Variants in SLC16A2 observed in about 807,000 individuals in gnomAD.
SLC16A2 encodes the protein solute carrier family 16 member 2.
A neutral mutation model predicts 27.2 loss-of-function variants in SLC16A2; 3 were observed. That is an observed-to-expected ratio of 0.11 (90% CI 0.05 to 0.28). The LOEUF (loss-of-function observed/expected upper bound fraction) is 0.28. Among genes scored for constraint, SLC16A2 ranks in the 10% least tolerant of loss-of-function variants. The pLI is 1.00. For missense variants in SLC16A2, 295 were observed against 458.5 expected, an observed-to-expected ratio of 0.64 and a Z score of 3.26; for synonymous variants, 202 against 187.8, an observed-to-expected ratio of 1.08 and a Z score of -0.62.
In SLC16A2 at chrX:74,531,761, C is replaced by G; in HGVS notation, c.*208C>G. The G allele has an allele frequency of 2.2e-6, 1 of 463,206 alleles. No homozygotes were observed. The highest frequency in any genetic ancestry group is 3.8e-6 in the Non-Finnish European group (1 of 261,226). The allele number at this position is 463,206 out of a possible 1,213,427, so 38.2% of individuals were successfully genotyped here. On this transcript the variant is annotated 3_prime_UTR_variant, in exon 6 of 6. Coordinates refer to ENST00000587091, the MANE Select transcript of SLC16A2 (RefSeq NM_006517.5). The stretch of plus-strand genomic sequence containing the variant: ...CAGAATGCTTTTAAATTTTCCAGGG[C>G]CTTTCTCCTCCCAGGATCTGGGAAA...
At chrX:74,515,585 C>G (rs4892514) in intron 1 of SLC16A2, among the ~76,000 whole-genome samples, 58,183 of 110,353 alleles carry the variant, frequency 0.53, 13,436 homozygotes, top group Non-Finnish European at 0.73. Flanking sequence ...TCAAAGAACT[C>G]TATGCCAAGA....
chrX:74,489,203 G>A (rs936505735), intron 1 of SLC16A2, among the ~76,000 whole-genome samples: 12 of 111,682 alleles, frequency 1.1e-4, no homozygotes, highest in African/African-American at 3.6e-4. Flanking sequence ...CCATTTTGAT[G>A]GCTTTGAATT....
chrX:74,474,648 G>A (rs1165171899), intron 1 of SLC16A2, among the ~76,000 whole-genome samples: 2 of 109,643 alleles, frequency 1.8e-5, no homozygotes, highest in East Asian at 2.9e-4. Context: ...CCCCACAACA[G>A]GCCCTGGTGT....
intron 1 of SLC16A2, among the ~76,000 whole-genome samples, chrX:74,500,817 G>A (rs571589283): frequency 9.0e-6 from 1 of 111,029 alleles, no homozygotes; most frequent in African/African-American, 3.3e-5. Flanking sequence ...GCAATCGATT[G>A]CAGAACTCAA....
At chrX:74,475,963 G>A (rs1929468711) in intron 1 of SLC16A2, among the ~76,000 whole-genome samples, 1 of 111,272 alleles carries the variant, frequency 9.0e-6, no homozygotes. Flanking sequence ...TGGCAATGTG[G>A]GCTCTTTTTT....
intron 1 of SLC16A2, among the ~76,000 whole-genome samples, chrX:74,483,297 A>G (rs1317141812): frequency 9.0e-6 from 1 of 111,526 alleles, no homozygotes; most frequent in Non-Finnish European, 1.9e-5. Context: ...CCACTTCTTA[A>G]TTCCATTAGT....
At chrX:74,524,018 T>C (rs1420988415) in intron 2 of SLC16A2, among the ~76,000 whole-genome samples, 3 of 111,762 alleles carry the variant, frequency 2.7e-5, no homozygotes, top group African/African-American at 9.8e-5. Flanking sequence ...TAGCCCCTCA[T>C]CCAGCTTTTA....
At chrX:74,427,811 GCA>G (rs35510872) in intron 1 of SLC16A2, among the ~76,000 whole-genome samples, 15,756 of 101,315 alleles carry the variant, frequency 0.16, 1,009 homozygotes, top group Middle Eastern at 0.19. Context: ...GCACGCGCGC[GCA>G]CACACACACA....
chrX:74,479,815 A>C (rs779512901), intron 1 of SLC16A2, among the ~76,000 whole-genome samples: 1 of 111,887 alleles, frequency 8.9e-6, no homozygotes, highest in Non-Finnish European at 1.9e-5. Context: ...GGTGAACAGC[A>C]AATGTTGCTG....
At chrX:74,466,992 C>T (rs1329208182) in intron 1 of SLC16A2, among the ~76,000 whole-genome samples, 1 of 112,237 alleles carries the variant, frequency 8.9e-6, no homozygotes, top group Non-Finnish European at 1.9e-5. Context: ...TTTCCTGGCA[C>T]AATTGGTGAG....
chrX:74,528,624 A>G (rs1176553771), intron 4 of SLC16A2, among the ~76,000 whole-genome samples: 1 of 111,585 alleles, frequency 9.0e-6, no homozygotes, highest in African/African-American at 3.3e-5. Context: ...AGTGCAGTCC[A>G]TGTCCTAAAG....
intron 1 of SLC16A2, among the ~76,000 whole-genome samples, chrX:74,475,945 G>T (rs955532399): frequency 9.0e-6 from 1 of 111,483 alleles, no homozygotes; most frequent in Non-Finnish European, 1.9e-5. Flanking sequence ...TTTGGCTTAG[G>T]ATTGACTTGG....
At chrX:74,454,283 T>G (rs943775483) in intron 1 of SLC16A2, among the ~76,000 whole-genome samples, 3 of 110,929 alleles carry the variant, frequency 2.7e-5, no homozygotes, top group South Asian at 3.8e-4. Context: ...CACACGTATG[T>G]TTATTGTGGC....
chrX:74,521,197 G>C, intron 2 of SLC16A2, 63 bp downstream of exon 2: 1 of 1,168,512 alleles, frequency 8.6e-7, no homozygotes, highest in Non-Finnish European at 1.2e-6. Context: ...CTGGGCTTTA[G>C]CTAGGGTTAC....
intron 1 of SLC16A2, among the ~76,000 whole-genome samples, chrX:74,498,889 G>A (rs1929981097): frequency 9.0e-6 from 1 of 111,331 alleles, no homozygotes; most frequent in African/African-American, 3.3e-5. Flanking sequence ...ATCCACCTGG[G>A]GGTTTTTGCT....
intron 1 of SLC16A2, among the ~76,000 whole-genome samples, chrX:74,502,901 A>C (rs1930061640): frequency 9.1e-6 from 1 of 110,487 alleles, no homozygotes; most frequent in Non-Finnish European, 1.9e-5. Context: ...TCACCAAACA[A>C]GCTCCCTTTA....
At chrX:74,509,163 T>A (rs1296767309) in intron 1 of SLC16A2, among the ~76,000 whole-genome samples, 1 of 110,821 alleles carries the variant, frequency 9.0e-6, no homozygotes, top group Non-Finnish European at 1.9e-5. Context: ...GGGGTCTCAC[T>A]ATGTTGCCCA....
At chrX:74,518,086 T>A (rs1007145361) in intron 1 of SLC16A2, among the ~76,000 whole-genome samples, 2 of 112,322 alleles carry the variant, frequency 1.8e-5, no homozygotes, top group African/African-American at 6.5e-5. Flanking sequence ...AGTGTAATCA[T>A]CTAGGTTCAG....
intron 1 of SLC16A2, among the ~76,000 whole-genome samples, chrX:74,423,464 C>T (rs1403082332): frequency 2.7e-5 from 3 of 111,959 alleles, no homozygotes; most frequent in Non-Finnish European, 5.6e-5. Context: ...TAGTTTGCAG[C>T]TTTGCTGGAC....
Sources: gnomAD v4.1 joint callset for allele counts (sites outside exome capture counted in the v4.1 genomes callset) on GRCh38, gnomAD v4.1.1 for gene constraint, MANE v1.5 for transcripts, NCBI Gene and HGNC (gene_info 2026-07-23, HGNC 2026-07-21) for gene names.